The following TLE4 variants were observed in gnomAD, a reference collection of about 807,000 sequenced individuals.
TLE4 encodes transducin-like enhancer protein 4.
TLE4 carries 8 observed loss-of-function variants against 92.8 expected under a neutral mutation model. The observed-to-expected ratio is 0.09, with a 90% CI of 0.05 to 0.16. TLE4 has a LOEUF of 0.16. Among genes scored for constraint, TLE4 ranks in the 10% least tolerant of loss-of-function variants. The probability of loss-of-function intolerance (pLI) is 1.00; values close to 1 mark genes in which losing one functional copy is unlikely to be tolerated. For synonymous variants in TLE4, 371 were observed against 374.1 expected (o/e 0.99, Z 0.10); for missense variants, 675 against 997.6 (o/e 0.68, Z 4.36).
chr9:79,649,399 G>A (rs1468620072), intron 6 of TLE4: 3 of 173,160 alleles, frequency 1.7e-5, no homozygotes, highest in Non-Finnish European at 2.4e-5. Context: ...GTAGGGGGCA[G>A]TGGAGGACAC....
At chr9:79,592,733 A>G (rs1178476014) in intron 4 of TLE4, among the ~76,000 whole-genome samples, 6 of 152,208 alleles carry the variant, frequency 3.9e-5, no homozygotes, top group African/African-American at 7.2e-5. Flanking sequence ...TTATTCTTCT[A>G]TCATTGAAAC....
chr9:79,653,779 A>G (rs1016020743), intron 7 of TLE4, among the ~76,000 whole-genome samples: 2 of 152,228 alleles, frequency 1.3e-5, no homozygotes, highest in Admixed American at 6.5e-5. Context: ...GAGTTGATGC[A>G]TGATTGTAAA....
chr9:79,649,333 G>A (rs370302105), intron 6 of TLE4: 1 of 155,510 alleles, frequency 6.4e-6, no homozygotes, highest in African/African-American at 2.4e-5. Flanking sequence ...GGCAAAAGAA[G>A]GGTATTGTAG....
intron 14 of TLE4, among the ~76,000 whole-genome samples, chr9:79,717,403 T>C (rs1032535856): frequency 2.0e-5 from 3 of 152,176 alleles, no homozygotes; most frequent in Non-Finnish European, 2.9e-5. Flanking sequence ...AAATGTCTTC[T>C]GTCCATTGGC....
chr9:79,603,206 CAG>C (rs937173792), intron 4 of TLE4, among the ~76,000 whole-genome samples: 2 of 152,094 alleles, frequency 1.3e-5, no homozygotes, highest in African/African-American at 4.8e-5. Context: ...AAAGCAGTGG[CAG>C]AGTTTGAGAG....
intron 4 of TLE4, among the ~76,000 whole-genome samples, chr9:79,592,856 C>T (rs1687151879): frequency 6.6e-6 from 1 of 152,136 alleles, no homozygotes; most frequent in Non-Finnish European, 1.5e-5. Context: ...TTCATGTAGA[C>T]ATAAGGCTGA....
At chr9:79,666,311 T>C (rs1346037768) in intron 8 of TLE4, among the ~76,000 whole-genome samples, 11 of 150,472 alleles carry the variant, frequency 7.3e-5, no homozygotes, top group Admixed American at 4.0e-4. Flanking sequence ...CACTGCAATC[T>C]CTGTCTCCTG....
chr9:79,594,793 G>A (rs758528593), intron 4 of TLE4, among the ~76,000 whole-genome samples: 3 of 152,104 alleles, frequency 2.0e-5, no homozygotes, highest in Non-Finnish European at 4.4e-5. Context: ...ATCATGAAGT[G>A]CATTTTGTTT....
chr9:79,631,772 G>A (rs117644628), intron 6 of TLE4, among the ~76,000 whole-genome samples: 3,577 of 151,554 alleles, frequency 0.024, 45 homozygotes, highest in Non-Finnish European at 0.034. Flanking sequence ...ACTTTCAAAG[G>A]CATTTGGATG....
At chr9:79,689,882 G>A (rs76716332) in intron 8 of TLE4, among the ~76,000 whole-genome samples, 1,855 of 152,244 alleles carry the variant, frequency 0.012, 41 homozygotes, top group African/African-American at 0.042. Flanking sequence ...TTTTAAGATT[G>A]CCTGTATCCA....
intron 8 of TLE4, among the ~76,000 whole-genome samples, chr9:79,674,149 C>A (rs2062860506): frequency 6.6e-6 from 1 of 152,146 alleles, no homozygotes; most frequent in African/African-American, 2.4e-5. Flanking sequence ...GAGTGAAAAC[C>A]ATGTGCTTTG....
intron 17 of TLE4, among the ~76,000 whole-genome samples, chr9:79,722,179 C>T (rs896687397): frequency 1.3e-5 from 2 of 151,774 alleles, no homozygotes; most frequent in African/African-American, 4.8e-5. Context: ...CAAAAAAAAA[C>T]AAAAATGATA....
At chr9:79,675,995 A>C (rs2063190382) in intron 8 of TLE4, among the ~76,000 whole-genome samples, 1 of 152,032 alleles carries the variant, frequency 6.6e-6, no homozygotes, top group South Asian at 2.1e-4. Flanking sequence ...TGGATTTCAG[A>C]TTTTCAGGTG....
intron 4 of TLE4, among the ~76,000 whole-genome samples, chr9:79,594,792 T>G (rs2043548938): frequency 6.6e-6 from 1 of 152,198 alleles, no homozygotes; most frequent in Non-Finnish European, 1.5e-5. Flanking sequence ...AATCATGAAG[T>G]GCATTTTGTT....
At chr9:79,604,837 A>T (rs1332560089) in intron 4 of TLE4, among the ~76,000 whole-genome samples, 1 of 152,162 alleles carries the variant, frequency 6.6e-6, no homozygotes, top group African/African-American at 2.4e-5. Flanking sequence ...TTTTGATCAT[A>T]CATATATGTT....
chr9:79,705,939 T>G lies in TLE4; in HGVS notation c.780T>G (p.Asn260Lys). 1 of 1,614,146 alleles carries G rather than the reference T, an allele frequency of 6.2e-7. No homozygotes were observed. The highest frequency in any genetic ancestry group is 2.2e-5 in the East Asian group (1 of 44,878). Residue 260 changes from asparagine to lysine, a missense_variant, in exon 10 of 20, where the codon AAT becomes AAG. Transcript: ENST00000376552. ...SDDNLVVDVS[N>K]EDPSSPRGSP... is the part of the protein sequence containing the mutation. The stretch of plus-strand genomic sequence containing the variant: ...ACAACTTGGTGGTTGACGTTTCCAA[T>G]GAGGTATGTTTGTGGCTACTTTAAT...
At chr9:79,684,339 G>A (rs1376538633) in intron 8 of TLE4, among the ~76,000 whole-genome samples, 3 of 152,172 alleles carry the variant, frequency 2.0e-5, no homozygotes, top group Non-Finnish European at 4.4e-5. Flanking sequence ...CCTGTGTCCT[G>A]TTAGAACCCA....
intron 6 of TLE4, among the ~76,000 whole-genome samples, chr9:79,641,667 G>A (rs554423328): frequency 6.6e-4 from 101 of 152,228 alleles, no homozygotes; most frequent in African/African-American, 2.2e-3. Context: ...TCAGTTCAAA[G>A]GTTATTTCCC....
chr9:79,588,438 C>T (rs771784714), intron 4 of TLE4, among the ~76,000 whole-genome samples: 4 of 152,128 alleles, frequency 2.6e-5, no homozygotes, highest in Non-Finnish European at 4.4e-5. Flanking sequence ...TGTGAGCCAC[C>T]GCGCCCGGCC....
Sources: allele counts gnomAD v4.1 joint callset (sites outside exome capture counted in the v4.1 genomes callset), GRCh38; gene constraint gnomAD v4.1.1; transcripts MANE v1.5; gene names NCBI Gene and HGNC (gene_info 2026-07-23, HGNC 2026-07-21).